FAM168A: variants seen among roughly 807,000 people sequenced by gnomAD.
FAM168A encodes family with sequence similarity 168 member A, also known as protein FAM168A.
FAM168A carries 3 observed loss-of-function variants against 28.5 expected under a neutral mutation model. The ratio of observed to expected loss-of-function variants is 0.11; its 90% CI spans 0.05 to 0.27. The LOEUF is 0.27. Ranked by LOEUF, FAM168A falls within the 10% of genes least tolerant of loss-of-function variation. FAM168A has a pLI of 1.00. For missense variants in FAM168A, 222 were observed against 311.5 expected, an observed-to-expected ratio of 0.71 and a Z score of 2.16; for synonymous variants, 122 against 124.2, an observed-to-expected ratio of 0.98 and a Z score of 0.12.
At chr11:73,546,874 CTGT>C (rs1167692335) in intron 1 of FAM168A, among the ~76,000 whole-genome samples, 48 of 151,822 alleles carry the variant, frequency 3.2e-4, no homozygotes, top group Non-Finnish European at 1.5e-5. Flanking sequence ...TTTGATTTTA[CTGT>C]TGTTAATTTT....
intron 3 of FAM168A, among the ~76,000 whole-genome samples, chr11:73,429,562 C>T (rs1866947970): frequency 6.6e-6 from 1 of 152,188 alleles, no homozygotes; most frequent in Non-Finnish European, 1.5e-5. Flanking sequence ...GTCATGTTCT[C>T]ACATCTCTAA....
intron 1 of FAM168A, among the ~76,000 whole-genome samples, chr11:73,470,453 C>T (rs1259907730): frequency 6.6e-6 from 1 of 152,100 alleles, no homozygotes; most frequent in Non-Finnish European, 1.5e-5. Context: ...GCTTAATAAC[C>T]ATTTTAACAG....
chr11:73,442,556 A>C (rs562329300), intron 2 of FAM168A, among the ~76,000 whole-genome samples: 1 of 152,230 alleles, frequency 6.6e-6, no homozygotes, highest in South Asian at 2.1e-4. Context: ...TTATTTAGGA[A>C]TGTGTCATTT....
rs139848715 is a variant in FAM168A at position 73,470,287 on chromosome 11, C to T, written c.-18-1795G>A. Among the ~76,000 whole-genome samples the T allele has an allele frequency of 6.9e-3, 1,052 of 152,258 alleles. 11 individuals are homozygous for T. Among genetic ancestry groups the T allele is most frequent in the African/African-American group, 0.022 (919 of 41,532 alleles). Reference sequence around the variant, plus strand: ...ACAATGATGATGTGGCAATGTTGCTCATGTGACAACAACAACACAGAGACT... The same window carrying T: ...ACAATGATGATGTGGCAATGTTGCTTATGTGACAACAACAACACAGAGACT... On this transcript the variant is annotated intron_variant, in intron 1 of 7. Transcript: ENST00000356467.
intron 3 of FAM168A, chr11:73,430,251 T>TGTGTGTGTGTGTGTGTGTGTCCCAAG (rs1866961919): frequency 6.4e-6 from 1 of 155,230 alleles, no homozygotes; most frequent in Non-Finnish European, 1.4e-5. Context: ...AGAGCATGTG[T>TGTGTGTGTGTGTGTGTGTGTCCCAAG]GTGTGTGTGT....
intron 1 of FAM168A, among the ~76,000 whole-genome samples, chr11:73,488,038 G>A (rs1438355335): frequency 6.6e-6 from 1 of 151,952 alleles, no homozygotes; most frequent in African/African-American, 2.4e-5. Flanking sequence ...TGCCAACACT[G>A]GTATAGGTCT....
intron 1 of FAM168A, among the ~76,000 whole-genome samples, chr11:73,576,716 TTTC>T (rs2134728813): frequency 6.6e-6 from 1 of 152,290 alleles, no homozygotes; most frequent in Non-Finnish European, 1.5e-5. Flanking sequence ...TCCTATTTCT[TTTC>T]TTGCCCAGTA....
chr11:73,574,683 C>A (rs976453795), intron 1 of FAM168A, among the ~76,000 whole-genome samples: 3 of 151,508 alleles, frequency 2.0e-5, no homozygotes, highest in Non-Finnish European at 2.9e-5. Context: ...CTGCCTCAGC[C>A]TCCCAAGTAG....
At chr11:73,429,555 A>G (rs1449252758) in intron 3 of FAM168A, among the ~76,000 whole-genome samples, 1 of 152,156 alleles carries the variant, frequency 6.6e-6, no homozygotes, top group Admixed American at 6.5e-5. Context: ...TCACAGTGTC[A>G]TGTTCTCACA....
chr11:73,590,786 T>A (rs913478573), intron 1 of FAM168A, among the ~76,000 whole-genome samples: 1 of 152,226 alleles, frequency 6.6e-6, no homozygotes, highest in African/African-American at 2.4e-5. Flanking sequence ...ATATCTTTTT[T>A]TTTTAAACAG....
chr11:73,474,537 C>G (rs1266702300), intron 1 of FAM168A, among the ~76,000 whole-genome samples: 4 of 152,016 alleles, frequency 2.6e-5, no homozygotes. Flanking sequence ...GACAGGGCCC[C>G]CAGAACCTAA....
rs532842135 is a variant in FAM168A, at chr11:73,561,310, G to T, written c.-19+36613C>A. On this transcript the variant is annotated intron_variant, in intron 1 of 7. Transcript: ENST00000356467. ...GAATCGCTTCAACCTGGGAGGTGGA[G>T]GTTGCAGTGAGCCGAGATCACGCAC... Among the ~76,000 whole-genome samples, 35 of 152,204 alleles carry T rather than the reference G, an allele frequency of 2.3e-4. No homozygotes were observed. In the South Asian group the frequency reaches 7.3e-3, roughly 32 times the overall value.
chr11:73,451,222 A>G (rs191229223), intron 2 of FAM168A, among the ~76,000 whole-genome samples: 191 of 152,320 alleles, frequency 1.3e-3, no homozygotes, highest in Middle Eastern at 3.4e-3. Flanking sequence ...TTGTCTATCT[A>G]TCCAGAGTTC....
At chr11:73,518,870 C>G (rs1280343664) in intron 1 of FAM168A, among the ~76,000 whole-genome samples, 1 of 152,100 alleles carries the variant, frequency 6.6e-6, no homozygotes, top group Admixed American at 6.5e-5. Context: ...GCACTCCAGC[C>G]TGGGAGACAG....
At chr11:73,503,075 C>T (rs538279138) in intron 1 of FAM168A, among the ~76,000 whole-genome samples, 1 of 152,276 alleles carries the variant, frequency 6.6e-6, no homozygotes, top group African/African-American at 2.4e-5. Context: ...GAAGCATTCC[C>T]TTTAAAAACC....
At chr11:73,579,916 A>G (rs569228694) in intron 1 of FAM168A, among the ~76,000 whole-genome samples, 24 of 152,280 alleles carry the variant, frequency 1.6e-4, no homozygotes, top group African/African-American at 5.8e-4. Flanking sequence ...TTCAGATACC[A>G]TTCATTTAGG....
At chr11:73,544,844 TA>T (rs1456518207) in intron 1 of FAM168A, among the ~76,000 whole-genome samples, 13 of 92,676 alleles carry the variant, frequency 1.4e-4, no homozygotes, top group Middle Eastern at 9.6e-3. Context: ...TAATATATAT[TA>T]AATATATAAT....
intron 1 of FAM168A, among the ~76,000 whole-genome samples, chr11:73,559,293 G>C (rs1943926571): frequency 6.6e-6 from 1 of 152,086 alleles, no homozygotes; most frequent in South Asian, 2.1e-4. Flanking sequence ...TGTAATCCCA[G>C]TTACTCGGGA....
At chr11:73,446,523 G>A (rs1867318287) in intron 2 of FAM168A, among the ~76,000 whole-genome samples, 2 of 152,124 alleles carry the variant, frequency 1.3e-5, no homozygotes, top group South Asian at 4.1e-4. Context: ...CACACACTCT[G>A]GCCTCAGTAC....
Sources: allele counts gnomAD v4.1 joint callset (sites outside exome capture counted in the v4.1 genomes callset), GRCh38; gene constraint gnomAD v4.1.1; transcripts MANE v1.5; gene names NCBI Gene and HGNC (gene_info 2026-07-23, HGNC 2026-07-21).